The following CDH10 variants were observed in gnomAD, a reference collection of about 807,000 sequenced individuals.
CDH10 encodes cadherin-10.
In CDH10, 30 loss-of-function variants were observed where a neutral mutation model predicts 73.1. The observed-to-expected ratio is 0.41, with a 90% CI of 0.31 to 0.56. The LOEUF (loss-of-function observed/expected upper bound fraction) is 0.56, where lower values mean the gene tolerates loss of function less well. Ranked by LOEUF, CDH10 falls within the 20% of genes least tolerant of loss-of-function variation. CDH10 has a pLI of 0.27. For missense variants in CDH10, 815 were observed against 973.7 expected (o/e 0.84, Z 2.17); for synonymous variants, 345 against 348.2 (o/e 0.99, Z 0.10).
chr5:24,584,994 G>A (rs1484912920), intron 2 of CDH10, among the ~76,000 whole-genome samples: 1 of 151,686 alleles, frequency 6.6e-6, no homozygotes, highest in African/African-American at 2.4e-5. Flanking sequence ...CTACAGGCAC[G>A]TGCCACCATG....
chr5:24,490,577 C>T lies in CDH10; in HGVS notation c.1876+999G>A, dbSNP rs557483746. ...AACACACAGTGAAAGTGCATAAATG[C>T]TATGATAAAAGTAGAAAAGTGGAAA... On this transcript the variant is annotated intron_variant, in intron 11 of 11. Coordinates refer to ENST00000264463, the MANE Select transcript of CDH10 (RefSeq NM_006727.5). Among the ~76,000 whole-genome samples, 6 of 152,004 alleles carry T rather than the reference C, an allele frequency of 3.9e-5. No individual in the cohort carries two copies. The East Asian group carries it at 7.7e-4, about 20-fold the overall frequency.
intron 11 of CDH10, among the ~76,000 whole-genome samples, chr5:24,489,158 A>G (rs1212302437): frequency 2.6e-5 from 4 of 152,208 alleles, no homozygotes; most frequent in Non-Finnish European, 4.4e-5. Context: ...ATATATATAT[A>G]TGAAGAAATA....
At chr5:24,515,380 T>C (rs1406032299) in intron 5 of CDH10, among the ~76,000 whole-genome samples, 1 of 152,162 alleles carries the variant, frequency 6.6e-6, no homozygotes, top group Admixed American at 6.6e-5. Context: ...GGGGCTCCTA[T>C]CATAACTCAT....
intron 2 of CDH10, among the ~76,000 whole-genome samples, chr5:24,568,439 A>G (rs1745242349): frequency 6.6e-6 from 1 of 152,204 alleles, no homozygotes; most frequent in Non-Finnish European, 1.5e-5. Flanking sequence ...TCAAACCACA[A>G]TGAAACATCA....
intron 2 of CDH10, among the ~76,000 whole-genome samples, chr5:24,564,889 G>T (rs548159851): frequency 6.6e-6 from 1 of 152,144 alleles, no homozygotes; most frequent in South Asian, 2.1e-4. Flanking sequence ...CCTGTGCAAG[G>T]CTGCCCTGCT....
At chr5:24,547,884 C>T (rs1744399910) in intron 2 of CDH10, among the ~76,000 whole-genome samples, 1 of 152,148 alleles carries the variant, frequency 6.6e-6, no homozygotes, top group Non-Finnish European at 1.5e-5. Context: ...ATACACTGCT[C>T]TTCATGTCAA....
intron 5 of CDH10, among the ~76,000 whole-genome samples, chr5:24,532,894 C>T (rs981966913): frequency 2.0e-5 from 3 of 151,970 alleles, no homozygotes; most frequent in African/African-American, 7.2e-5. Flanking sequence ...GCTTCATGAA[C>T]TGTAGAACTC....
At chr5:24,498,632 C>A in intron 8 of CDH10, 113 bp from the exon 9 acceptor site, 1 of 671,604 alleles carries the variant, frequency 1.5e-6, no homozygotes, top group Non-Finnish European at 2.6e-6. Flanking sequence ...GCATTGCAAT[C>A]ATTCTACTAA....
chr5:24,566,546 A>C (rs554028596), intron 2 of CDH10, among the ~76,000 whole-genome samples: 1 of 152,172 alleles, frequency 6.6e-6, no homozygotes, highest in South Asian at 2.1e-4. Context: ...TCATAATTAG[A>C]CCCCAAAGTA....
chr5:24,591,713 C>T lies in CDH10; in HGVS notation c.231+1547G>A, dbSNP rs1340106653. 2.0e-5 allele frequency among the ~76,000 whole-genome samples: 3 copies of T among 151,796 alleles called. No homozygotes were observed. The South Asian group carries it at 6.2e-4, about 31-fold the overall frequency. ...AGATCTACTCTAAGAGCTTAATACT[C>T]TCTTACTACTCTAAGAGATATGAAG... On this transcript the variant is annotated intron_variant, in intron 2 of 11. Coordinates refer to ENST00000264463, the MANE Select transcript of CDH10 (RefSeq NM_006727.5).
chr5:24,528,447 A>T (rs1047312216), intron 5 of CDH10, among the ~76,000 whole-genome samples: 9 of 151,904 alleles, frequency 5.9e-5, no homozygotes, highest in Non-Finnish European at 1.2e-4. Context: ...TTATTAAATC[A>T]AATCTCTCTT....
intron 2 of CDH10, among the ~76,000 whole-genome samples, chr5:24,580,519 T>C (rs960409412): frequency 3.3e-5 from 5 of 152,190 alleles, no homozygotes; most frequent in Non-Finnish European, 5.9e-5. Flanking sequence ...TGGTTTGTTA[T>C]ACAGATTATT....
At chr5:24,608,700 C>A (rs1746846847) in intron 1 of CDH10, among the ~76,000 whole-genome samples, 1 of 152,190 alleles carries the variant, frequency 6.6e-6, no homozygotes, top group Non-Finnish European at 1.5e-5. Flanking sequence ...ATCATCCCAT[C>A]ACTTAATTAA....
At chr5:24,537,739 C>T (rs745478394) in intron 2 of CDH10, 65 bp from the exon 3 acceptor site, 101 of 1,012,412 alleles carry the variant, frequency 1.0e-4, no homozygotes, top group African/African-American at 1.5e-4. Flanking sequence ...TGAAAGAATT[C>T]GCAGAAGGTC....
Position 24,587,136 on chromosome 5 carries a change from G to A in CDH10, c.231+6124C>T, listed in dbSNP as rs375536820. On this transcript the variant is annotated intron_variant, in intron 2 of 11. Coordinates refer to ENST00000264463, the MANE Select transcript of CDH10 (RefSeq NM_006727.5). ...TGGGATTACAGGCGTGAGCCACCGCGCCCGGCCGCCCATATTCTTTAATAA... is the reference window on the plus strand; with the variant it reads ...TGGGATTACAGGCGTGAGCCACCGCACCCGGCCGCCCATATTCTTTAATAA... Among the ~76,000 whole-genome samples, 29 of 152,116 alleles carry A rather than the reference G, an allele frequency of 1.9e-4. 1 individual carries two copies. In the East Asian group the frequency reaches 2.1e-3, roughly 11 times the overall value.
chr5:24,542,760 C>T (rs562731955), intron 2 of CDH10, among the ~76,000 whole-genome samples: 2 of 152,278 alleles, frequency 1.3e-5, no homozygotes, highest in South Asian at 4.1e-4. Flanking sequence ...GGCCCTCTTT[C>T]TGGTTTATAG....
chr5:24,513,266 A>T (rs925524483), intron 5 of CDH10, among the ~76,000 whole-genome samples: 51 of 151,806 alleles, frequency 3.4e-4, no homozygotes, highest in African/African-American at 1.2e-3. Context: ...CGATCCTCTC[A>T]CCTCAACCTC....
chr5:24,584,488 GAGA>G (rs1745918820), intron 2 of CDH10, among the ~76,000 whole-genome samples: 1 of 129,646 alleles, frequency 7.7e-6, no homozygotes, highest in African/African-American at 2.8e-5. Flanking sequence ...GAGAGAGAGA[GAGA>G]GAGAGAGTCT....
At chr5:24,523,036 C>T (rs1035556603) in intron 5 of CDH10, among the ~76,000 whole-genome samples, 5 of 151,550 alleles carry the variant, frequency 3.3e-5, no homozygotes, top group Non-Finnish European at 5.9e-5. Flanking sequence ...CAAAGGAAAC[C>T]TTTCATAGCA....
Sources: gnomAD v4.1 joint callset for allele counts (sites outside exome capture counted in the v4.1 genomes callset) on GRCh38, gnomAD v4.1.1 for gene constraint, MANE v1.5 for transcripts, NCBI Gene and HGNC (gene_info 2026-07-23, HGNC 2026-07-21) for gene names.